The following PARM1 variants were observed in gnomAD, a reference collection of about 807,000 sequenced individuals.
PARM1 encodes the protein WSC4, cell wall integrity and stress response component 4 homolog.
A neutral mutation model predicts 24.6 loss-of-function variants in PARM1; 14 were observed. The ratio of observed to expected loss-of-function variants is 0.57; its 90% confidence interval spans 0.38 to 0.89. PARM1 has a LOEUF of 0.89. Among genes scored for constraint, PARM1 ranks in the 40% least tolerant of loss-of-function variants. The pLI is 0.00. For synonymous variants in PARM1, 179 were observed against 156.6 expected (o/e 1.14, Z -1.07); for missense variants, 362 against 380.4 (o/e 0.95, Z 0.40).
At position 75,033,912 on chromosome 4, in the gene PARM1, A is replaced by G. The variant is rs377269393; in HGVS notation, c.799A>G (p.Ile267Val). 1.2e-6 allele frequency: 2 copies of G among 1,604,762 alleles called. No individual in the cohort carries two copies. The highest frequency in any genetic ancestry group is 1.3e-5 in the African/African-American group (1 of 74,758). The change falls in exon 3 of 4, where the codon ATT becomes GTT. Residue 267 changes from isoleucine to valine, a missense_variant. By Grantham distance (29) the Ile-to-Val change is conservative. Coordinates refer to ENST00000307428, the MANE Select transcript of PARM1 (RefSeq NM_015393.4). Reference protein sequence around the residue: ...GSIAAITVTVIAVVLLVFGVA... With the variant: ...GSIAAITVTVVAVVLLVFGVA... ...CATCGCCGCCATTACCGTGACAGTCATTGCCGTGGTGCTGCTGGTGTTTGG... is the reference window on the plus strand; with the variant it reads ...CATCGCCGCCATTACCGTGACAGTCGTTGCCGTGGTGCTGCTGGTGTTTGG...
At chr4:74,968,432 C>T (rs1721953702) in intron 1 of PARM1, among the ~76,000 whole-genome samples, 1 of 152,172 alleles carries the variant, frequency 6.6e-6, no homozygotes, top group Non-Finnish European at 1.5e-5. Context: ...ATGCTGTAGT[C>T]TCTAATAAGA....
At chr4:75,037,959 C>G (rs941022692) in intron 3 of PARM1, among the ~76,000 whole-genome samples, 2 of 152,070 alleles carry the variant, frequency 1.3e-5, no homozygotes, top group African/African-American at 4.8e-5. Context: ...CTCTGTCACC[C>G]AGGCTGGAGT....
At chr4:74,950,210 AT>A (rs1356674263) in intron 1 of PARM1, among the ~76,000 whole-genome samples, 10 of 152,176 alleles carry the variant, frequency 6.6e-5, no homozygotes, top group African/African-American at 2.4e-4. Flanking sequence ...ACAAATTACC[AT>A]AAACTCGGAA....
In PARM1 at chr4:74,958,808, C is replaced by A. The variant is rs1721702005; in HGVS notation, c.43+25438C>A. ...TCTCTGAGAGTTATGAGGATTAAGT[C>A]AAAATACCCCTTTGGACAATTCTAG... On this transcript the variant is annotated intron_variant, in intron 1 of 3. Transcript: ENST00000307428. Among the ~76,000 whole-genome samples, 3 of 152,148 alleles carry A rather than the reference C, an allele frequency of 2.0e-5. 1 individual carries two copies. In the South Asian group the frequency reaches 6.2e-4, roughly 32 times the overall value.
At chr4:75,044,566 C>T (rs140464890) in intron 3 of PARM1, among the ~76,000 whole-genome samples, 51 of 152,230 alleles carry the variant, frequency 3.4e-4, no homozygotes, top group African/African-American at 1.2e-3. Context: ...ATGGAGGTTA[C>T]AGTCTAGTTC....
At position 75,011,042 on chromosome 4, in the gene PARM1, T is replaced by G. The variant is rs377736280; in HGVS notation, c.44-1383T>G. Among the ~76,000 whole-genome samples, 46 of 151,674 alleles carry G rather than the reference T, an allele frequency of 3.0e-4. No homozygotes were observed. In the East Asian group the frequency reaches 9.0e-3, roughly 30 times the overall value. ...CATGGTGAGAATGGGAGCAAGAGAG[T>G]GTAGGTGGGAGGTGCCACATGTTTT... is the stretch of plus-strand genomic sequence containing the variant. On this transcript the variant is annotated intron_variant, in intron 1 of 3. Transcript: ENST00000307428.
At chr4:74,960,187 T>C (rs1024953912) in intron 1 of PARM1, among the ~76,000 whole-genome samples, 6 of 152,332 alleles carry the variant, frequency 3.9e-5, no homozygotes, top group African/African-American at 1.2e-4. Flanking sequence ...TGCACACATA[T>C]AGGAGGAAGC....
intron 1 of PARM1, among the ~76,000 whole-genome samples, chr4:74,992,516 CA>C (rs1046946927): frequency 2.6e-5 from 4 of 151,904 alleles, no homozygotes; most frequent in African/African-American, 9.7e-5. Flanking sequence ...ATAAAAGAAA[CA>C]TGAAGAAAAC....
chr4:74,941,396 CA>C (rs1312792156), intron 1 of PARM1, among the ~76,000 whole-genome samples: 1 of 151,980 alleles, frequency 6.6e-6, no homozygotes. Context: ...AGAATTTCTG[CA>C]AAAATTACGG....
At chr4:74,968,032 C>A (rs189529757) in intron 1 of PARM1, among the ~76,000 whole-genome samples, 1 of 152,136 alleles carries the variant, frequency 6.6e-6, no homozygotes, top group African/African-American at 2.4e-5. Context: ...TTCCTTCTTG[C>A]AAAACTTTTT....
chr4:75,012,455 C>T lies in PARM1; in HGVS notation c.74C>T (p.Ala25Val). 1 of 1,613,912 alleles carries T rather than the reference C, an allele frequency of 6.2e-7. No individual in the cohort carries two copies. Among genetic ancestry groups the T allele is most frequent in the East Asian group, 2.2e-5 (1 of 44,882 alleles). Residue 25 changes from alanine to valine, a missense_variant, in exon 2 of 4, where the codon GCT becomes GTT. Ala to Val is a moderately conservative substitution (Grantham distance 64). Coordinates refer to ENST00000307428, the MANE Select transcript of PARM1 (RefSeq NM_015393.4). The stretch of plus-strand genomic sequence containing the variant: ...AGGGTACAGAGTCTGCCTACATCAG[C>T]TCCTTTGTCTGTTTCTCTTCCGACA... ...GWRVQSLPTS[A>V]PLSVSLPTNI... is the part of the protein sequence containing the mutation.
At chr4:75,020,009 CAAAAAAAAAAAAAAAAAA>C (rs1161399344) in intron 2 of PARM1, among the ~76,000 whole-genome samples, 9,838 of 31,262 alleles carry the variant, frequency 0.31, 1,149 homozygotes, top group African/African-American at 0.5. Flanking sequence ...GACTCCGTCT[CAAAAAAAAAAAAAAAAAA>C]AAAAAAAAAA....
intron 3 of PARM1, among the ~76,000 whole-genome samples, chr4:75,041,112 C>T (rs1444713309): frequency 2.0e-5 from 3 of 152,098 alleles, no homozygotes; most frequent in African/African-American, 7.2e-5. Context: ...TCCCTAAGGA[C>T]AGGGATTTTG....
chr4:75,037,585 T>A (rs549477556), intron 3 of PARM1, among the ~76,000 whole-genome samples: 9 of 152,300 alleles, frequency 5.9e-5, no homozygotes, highest in Admixed American at 5.9e-4. Flanking sequence ...ACCACATCTT[T>A]TTGTAACCTG....
At chr4:74,974,377 C>T (rs574754773) in intron 1 of PARM1, among the ~76,000 whole-genome samples, 4 of 152,294 alleles carry the variant, frequency 2.6e-5, no homozygotes, top group East Asian at 1.9e-4. Context: ...AGCAGTGACA[C>T]CCTAGGAGGA....
intron 1 of PARM1, among the ~76,000 whole-genome samples, chr4:75,004,579 G>C (rs887480279): frequency 4.6e-5 from 7 of 152,196 alleles, no homozygotes; most frequent in African/African-American, 1.7e-4. Context: ...CAGGGATTCA[G>C]ACTGACAAGA....
chr4:74,986,453 C>G (rs1159676146), intron 1 of PARM1, among the ~76,000 whole-genome samples: 1 of 152,158 alleles, frequency 6.6e-6, no homozygotes, highest in Admixed American at 6.5e-5. Flanking sequence ...TCCTCCACAC[C>G]CTTTGTGTTA....
At chr4:74,985,814 G>A (rs763129669) in intron 1 of PARM1, among the ~76,000 whole-genome samples, 2 of 152,126 alleles carry the variant, frequency 1.3e-5, no homozygotes, top group Non-Finnish European at 2.9e-5. Flanking sequence ...TGTCACCCAG[G>A]CTGGAGTGCA....
intron 1 of PARM1, among the ~76,000 whole-genome samples, chr4:75,005,271 G>C (rs1007340447): frequency 6.6e-6 from 1 of 152,154 alleles, no homozygotes; most frequent in Admixed American, 6.5e-5. Context: ...ACTGCATTTT[G>C]ATCAAGTTTC....
Sources: allele counts gnomAD v4.1 joint callset (sites outside exome capture counted in the v4.1 genomes callset), GRCh38; gene constraint gnomAD v4.1.1; transcripts MANE v1.5; gene names NCBI Gene and HGNC (gene_info 2026-07-23, HGNC 2026-07-21).